The following RYR3 variants were observed in gnomAD, a reference collection of about 807,000 sequenced individuals.
RYR3 encodes ryanodine receptor 3.
In RYR3, 207 loss-of-function variants were observed where a neutral mutation model predicts 584.3. That is an observed-to-expected ratio of 0.35 (90% CI 0.32 to 0.40). The LOEUF is 0.40. RYR3 is among the 10% of genes least tolerant of loss of function. RYR3 has a pLI of 1.00. For missense variants in RYR3, 5,616 were observed against 6,089.2 expected (o/e 0.92, Z 2.59); for synonymous variants, 2,416 against 2,248.5 (o/e 1.07, Z -2.11).
chr15:33,478,006 A>G (rs969715760), intron 2 of RYR3, among the ~76,000 whole-genome samples: 7 of 151,928 alleles, frequency 4.6e-5, no homozygotes, highest in Non-Finnish European at 7.4e-5. Context: ...TTTTTACTCA[A>G]TAGAAAATGT....
At chr15:33,860,918 G>A (rs961585523) in intron 101 of RYR3, among the ~76,000 whole-genome samples, 160 bp from the exon 102 acceptor site, 8 of 120,666 alleles carry the variant, frequency 6.6e-5, no homozygotes, top group African/African-American at 2.5e-4. Flanking sequence ...CTGAGTGAAT[G>A]ACTAATAGCC....
intron 20 of RYR3, among the ~76,000 whole-genome samples, chr15:33,627,238 A>G (rs984448325): frequency 5.9e-5 from 9 of 152,208 alleles, no homozygotes; most frequent in Non-Finnish European, 1.3e-4. Context: ...TTTTATATGA[A>G]GTCTCCCATT....
intron 1 of RYR3, among the ~76,000 whole-genome samples, chr15:33,362,914 AC>A (rs1250769692): frequency 6.6e-6 from 1 of 152,124 alleles, no homozygotes; most frequent in African/African-American, 2.4e-5. Context: ...ATAACACCTG[AC>A]ACGTTGTTCT....
At chr15:33,521,424 C>G (rs141051032) in intron 3 of RYR3, among the ~76,000 whole-genome samples, 2,002 of 152,234 alleles carry the variant, frequency 0.013, 22 homozygotes, top group Non-Finnish European at 0.023. Flanking sequence ...CCTTCTCATC[C>G]AGGAAAAATA....
chr15:33,800,635 T>C (rs2075868174), intron 67 of RYR3, 135 bp from the exon 68 acceptor site: 3 of 626,730 alleles, frequency 4.8e-6, no homozygotes, highest in South Asian at 2.0e-5. Flanking sequence ...TTAGTCTCCC[T>C]GATTATTGCT....
At chr15:33,421,398 C>A (rs1288341745) in intron 1 of RYR3, among the ~76,000 whole-genome samples, 3 of 152,054 alleles carry the variant, frequency 2.0e-5, no homozygotes, top group African/African-American at 7.2e-5. Context: ...GGTGAAAAAC[C>A]AAGGCCTGGA....
intron 2 of RYR3, among the ~76,000 whole-genome samples, chr15:33,486,470 C>T (rs928005233): frequency 2.0e-5 from 3 of 152,078 alleles, no homozygotes; most frequent in Non-Finnish European, 2.9e-5. Flanking sequence ...AAGAGGGCCT[C>T]CATCTCAACT....
chr15:33,510,538 A>T (rs1441880800), intron 3 of RYR3, among the ~76,000 whole-genome samples: 1 of 152,130 alleles, frequency 6.6e-6, no homozygotes, highest in Non-Finnish European at 1.5e-5. Context: ...AGAATTTTAC[A>T]AAATCCATCC....
chr15:33,542,341 A>G (rs2055888661), intron 7 of RYR3, among the ~76,000 whole-genome samples: 1 of 152,146 alleles, frequency 6.6e-6, no homozygotes, highest in African/African-American at 2.4e-5. Context: ...ATAAACTCCA[A>G]ATAGGGCATG....
chr15:33,597,487 T>C (rs1419452869), intron 16 of RYR3, among the ~76,000 whole-genome samples: 2 of 151,988 alleles, frequency 1.3e-5, no homozygotes, highest in Non-Finnish European at 2.9e-5. Flanking sequence ...TGTGGGCGCC[T>C]GTATTCCCAG....
At chr15:33,640,787 C>T (rs1481743445) in intron 27 of RYR3, among the ~76,000 whole-genome samples, 2 of 152,170 alleles carry the variant, frequency 1.3e-5, no homozygotes, top group Non-Finnish European at 1.5e-5. Context: ...GTGCCTTTTG[C>T]AAATTTTCTT....
chr15:33,645,261 G>C (rs1565934), intron 28 of RYR3, among the ~76,000 whole-genome samples: 120,159 of 152,086 alleles, frequency 0.79, 48,090 homozygotes, highest in East Asian at 0.92. Context: ...GGCCCTACAT[G>C]GACTAAGACT....
chr15:33,819,828 C>A, intron 77 of RYR3, 21 bp downstream of exon 77: 2 of 1,572,074 alleles, frequency 1.3e-6, no homozygotes, highest in Non-Finnish European at 1.7e-6. Context: ...GTTTTCTGCC[C>A]ATTGTCTCTG....
rs553107899 is a variant in RYR3, at chr15:33,809,144, T to G, written c.10027-1335T>G. 3.7e-4 allele frequency among the ~76,000 whole-genome samples: 57 copies of G among 152,316 alleles called. No individual in the cohort carries two copies. The South Asian group carries it at 8.9e-3, about 24-fold the overall frequency. ...TGTTAATTCTGACCCTACTCTTCTC[T>G]TCCAAAAGCCTTTTCCCATAAAATG... On this transcript the variant is annotated intron_variant, in intron 70 of 103. Transcript: ENST00000634891.
chr15:33,863,584 A>C (rs1239820858), intron 102 of RYR3, among the ~76,000 whole-genome samples: 5 of 152,180 alleles, frequency 3.3e-5, no homozygotes, highest in African/African-American at 1.2e-4. Context: ...TGTCACAGAC[A>C]AACTCAAACC....
chr15:33,770,376 A>G (rs2073470115), intron 62 of RYR3, among the ~76,000 whole-genome samples: 1 of 152,070 alleles, frequency 6.6e-6, no homozygotes, highest in Non-Finnish European at 1.5e-5. Context: ...TGTTTGTTTT[A>G]TTTTGTTTTG....
rs1338971088 is a variant in RYR3 at position 33,768,847 on chromosome 15, G to A, written c.8755+140G>A. 9.5e-6 allele frequency: 8 copies of A among 842,122 alleles called. No homozygotes were observed. The African/African-American group carries it at 1.2e-4, about 12-fold the overall frequency. The allele number at this position is 842,122 out of a possible 1,614,324, so 52.2% of individuals were successfully genotyped here. ...TAAATTTGCCATAGAAAATTGATCTGAAGCATGATAAATGACCTCTTTACC... is the reference window on the plus strand; with the variant it reads ...TAAATTTGCCATAGAAAATTGATCTAAAGCATGATAAATGACCTCTTTACC... On this transcript the variant is annotated intron_variant, in intron 61 of 103. Transcript: ENST00000634891.
At chr15:33,667,036 C>T (rs1282397462) in intron 36 of RYR3, among the ~76,000 whole-genome samples, 1 of 152,246 alleles carries the variant, frequency 6.6e-6, no homozygotes, top group African/African-American at 2.4e-5. Context: ...TTTAACCTCA[C>T]AGAAAAACCA....
At chr15:33,443,146 C>T (rs1446078236) in intron 1 of RYR3, among the ~76,000 whole-genome samples, 2 of 151,940 alleles carry the variant, frequency 1.3e-5, no homozygotes, top group East Asian at 3.9e-4. Context: ...GTAATCCCAG[C>T]TACTCTGGAG....
Sources: gnomAD v4.1 joint callset for allele counts (sites outside exome capture counted in the v4.1 genomes callset) on GRCh38, gnomAD v4.1.1 for gene constraint, MANE v1.5 for transcripts, NCBI Gene and HGNC (gene_info 2026-07-23, HGNC 2026-07-21) for gene names.